SNTG1: variants seen among roughly 807,000 people sequenced by gnomAD.
SNTG1 encodes the protein syntrophin gamma 1.
Under a neutral mutation model 74.7 loss-of-function variants are expected in SNTG1, and 39 were observed. That is an observed-to-expected ratio of 0.52 (90% CI 0.40 to 0.68). The LOEUF is 0.68. Among genes scored for constraint, SNTG1 ranks in the 30% least tolerant of loss-of-function variants. SNTG1 has a pLI of 0.00. For synonymous variants in SNTG1, 254 were observed against 217.1 expected, an observed-to-expected ratio of 1.17 and a Z score of -1.49; for missense variants, 685 against 609.5, an observed-to-expected ratio of 1.12 and a Z score of -1.30.
chr8:49,987,407 C>T (rs1813266980), intron 1 of SNTG1, among the ~76,000 whole-genome samples: 1 of 152,076 alleles, frequency 6.6e-6, no homozygotes, highest in African/African-American at 2.4e-5. Context: ...AGGCATACTG[C>T]AGGATAAGAT....
intron 4 of SNTG1, among the ~76,000 whole-genome samples, chr8:50,404,047 G>T (rs2092839131): frequency 6.6e-6 from 1 of 152,088 alleles, no homozygotes; most frequent in African/African-American, 2.4e-5. Context: ...AAAACCTTAA[G>T]AATTCTACAA....
chr8:50,301,758 A>G (rs1013252060), intron 2 of SNTG1, among the ~76,000 whole-genome samples: 3 of 151,584 alleles, frequency 2.0e-5, no homozygotes, highest in Admixed American at 1.3e-4. Flanking sequence ...TTTTTACATA[A>G]TTTGTCTATA....
At chr8:50,295,214 C>T (rs2089306754) in intron 2 of SNTG1, among the ~76,000 whole-genome samples, 1 of 152,094 alleles carries the variant, frequency 6.6e-6, no homozygotes, top group Non-Finnish European at 1.5e-5. Context: ...AAATAATAAT[C>T]ATGTTTTCTA....
chr8:50,019,914 C>T (rs951781249), intron 1 of SNTG1, among the ~76,000 whole-genome samples: 1 of 152,016 alleles, frequency 6.6e-6, no homozygotes, highest in African/African-American at 2.4e-5. Context: ...TTATTTTATC[C>T]CACTTGTCAA....
intron 1 of SNTG1, among the ~76,000 whole-genome samples, chr8:50,061,394 A>G (rs1408752803): frequency 6.6e-6 from 1 of 152,024 alleles, no homozygotes; most frequent in Non-Finnish European, 1.5e-5. Flanking sequence ...AATATTGGTC[A>G]TTCGTGTCTT....
intron 12 of SNTG1, among the ~76,000 whole-genome samples, chr8:50,553,435 A>G (rs965697212): frequency 6.6e-6 from 1 of 152,188 alleles, no homozygotes; most frequent in Non-Finnish European, 1.5e-5. Context: ...ACTAGTTAGC[A>G]TATAATCCCT....
At chr8:50,150,323 A>AT (rs1219224538) in intron 1 of SNTG1, among the ~76,000 whole-genome samples, 2 of 152,148 alleles carry the variant, frequency 1.3e-5, no homozygotes, top group Non-Finnish European at 2.9e-5. Flanking sequence ...TAAATATACA[A>AT]TCATGTCATC....
At chr8:49,966,768 T>C (rs1811177876) in intron 1 of SNTG1, among the ~76,000 whole-genome samples, 1 of 152,202 alleles carries the variant, frequency 6.6e-6, no homozygotes, top group South Asian at 2.1e-4. Flanking sequence ...TTTTATTCCA[T>C]TGGTAGTGAA....
At chr8:50,197,259 A>G (rs900589011) in intron 2 of SNTG1, among the ~76,000 whole-genome samples, 1 of 152,188 alleles carries the variant, frequency 6.6e-6, no homozygotes, top group African/African-American at 2.4e-5. Context: ...TTATACATTT[A>G]TGTGTATGTG....
Position 50,241,301 on chromosome 8 carries a change from CAG to C in SNTG1, c.-28+68671_-28+68672del, listed in dbSNP as rs1298787997. Reference sequence around the variant, plus strand: ...AAAGTCAAATATATAGAAAGAAGAGCAGAGAGTGTGAATGGCAATGGCTTGCC... The same window carrying C: ...AAAGTCAAATATATAGAAAGAAGAGCAGAGTGTGAATGGCAATGGCTTGCC... On this transcript the variant is annotated intron_variant, in intron 2 of 18. Coordinates refer to ENST00000642720, the MANE Select transcript of SNTG1 (RefSeq NM_018967.5). Among the ~76,000 whole-genome samples, 3 of 152,138 alleles carry C rather than the reference CAG, an allele frequency of 2.0e-5. No individual in the cohort carries two copies. The East Asian group carries it at 5.8e-4, about 29-fold the overall frequency.
In SNTG1 at chr8:50,004,767, C is replaced by T. The variant is rs559405529; in HGVS notation, c.-103+92536C>T. On this transcript the variant is annotated intron_variant, in intron 1 of 18. Coordinates refer to ENST00000642720, the MANE Select transcript of SNTG1 (RefSeq NM_018967.5). Reference sequence around the variant, plus strand: ...TCCTGAAATAACTTCCAGAAGAAATCTTCTACCCTTTGAGAGAGAAGAAGC... The same window carrying T: ...TCCTGAAATAACTTCCAGAAGAAATTTTCTACCCTTTGAGAGAGAAGAAGC... Among the ~76,000 whole-genome samples the T allele has an allele frequency of 9.2e-5, 14 of 152,290 alleles. No individual in the cohort carries two copies. In the East Asian group the frequency reaches 2.1e-3, roughly 23 times the overall value.
At chr8:50,719,568 A>G (rs1277462279) in intron 17 of SNTG1, among the ~76,000 whole-genome samples, 3 of 152,182 alleles carry the variant, frequency 2.0e-5, no homozygotes. Context: ...AGAAATCTGT[A>G]CCAACAAAAC....
At chr8:49,943,883 T>C (rs935400080) in intron 1 of SNTG1, among the ~76,000 whole-genome samples, 11 of 152,346 alleles carry the variant, frequency 7.2e-5, no homozygotes, top group African/African-American at 2.6e-4. Flanking sequence ...TTAGTTTTTG[T>C]TATCCCATTA....
intron 13 of SNTG1, among the ~76,000 whole-genome samples, chr8:50,615,135 T>C (rs1214374180): frequency 6.6e-6 from 1 of 151,976 alleles, no homozygotes; most frequent in Non-Finnish European, 1.5e-5. Context: ...TTTGTTTTTG[T>C]ATTTTTAGTA....
At chr8:50,242,542 AAAAC>A (rs57484621) in intron 2 of SNTG1, among the ~76,000 whole-genome samples, 3,576 of 125,202 alleles carry the variant, frequency 0.029, 160 homozygotes, top group African/African-American at 0.088. Flanking sequence ...AAAAAAAAAA[AAAAC>A]ACACCAGGAA....
intron 15 of SNTG1, among the ~76,000 whole-genome samples, chr8:50,688,528 G>T (rs1296832695): frequency 2.0e-5 from 3 of 152,122 alleles, no homozygotes; most frequent in African/African-American, 7.2e-5. Flanking sequence ...TTTCCCCATT[G>T]CTTGTTTTTG....
At chr8:50,531,304 T>C (rs1309273882) in intron 10 of SNTG1, among the ~76,000 whole-genome samples, 2 of 151,856 alleles carry the variant, frequency 1.3e-5, no homozygotes, top group Admixed American at 6.6e-5. Flanking sequence ...CAGCTGGATA[T>C]ATTTCATGTG....
chr8:50,656,075 G>A (rs1333447375), intron 13 of SNTG1, among the ~76,000 whole-genome samples: 1 of 152,140 alleles, frequency 6.6e-6, no homozygotes, highest in Non-Finnish European at 1.5e-5. Context: ...TATCTAGGAG[G>A]AGGACTTAAC....
intron 18 of SNTG1, among the ~76,000 whole-genome samples, chr8:50,782,940 A>T (rs1203404928): frequency 6.6e-6 from 1 of 152,090 alleles, no homozygotes; most frequent in East Asian, 1.9e-4. Flanking sequence ...CCTCTGCTGC[A>T]TGTCTGTTGG....
Sources: allele counts gnomAD v4.1 joint callset (sites outside exome capture counted in the v4.1 genomes callset), GRCh38; gene constraint gnomAD v4.1.1; transcripts MANE v1.5; gene names NCBI Gene and HGNC (gene_info 2026-07-23, HGNC 2026-07-21).